DNAH11: variants seen among roughly 807,000 people sequenced by gnomAD.
The protein encoded by DNAH11 is axonemal beta dynein heavy chain 11.
A neutral mutation model predicts 526.0 loss-of-function variants in DNAH11; 442 were observed. That is an observed-to-expected ratio of 0.84 (90% CI 0.78 to 0.91). DNAH11 has a LOEUF of 0.91. DNAH11 is among the 40% of genes least tolerant of loss of function. The pLI is 0.00. For missense variants in DNAH11, 6,989 were observed against 5,448.7 expected, an observed-to-expected ratio of 1.28 and a Z score of -8.90; for synonymous variants, 2,461 against 1,935.9, an observed-to-expected ratio of 1.27 and a Z score of -7.12.
chr7:21,558,976 G>A lies in DNAH11; in HGVS notation c.670G>A (p.Asp224Asn). 1 of 1,583,226 alleles carries A rather than the reference G, an allele frequency of 6.3e-7. No individual in the cohort carries two copies. The highest frequency in any genetic ancestry group is 1.2e-5 in the South Asian group (1 of 86,612). Residue 224 changes from aspartate (D) to asparagine (N), a missense_variant, in exon 3 of 82, where the codon GAT becomes AAT. Coordinates refer to ENST00000409508, the MANE Select transcript of DNAH11 (RefSeq NM_001277115.2). ...IPTVAGKMDL[D>N]QNCSENKPPS... ...CACTGTTGCAGGAAAGATGGATCTGGATCAGAATTGTTCAGAGAACAAGTA... is the reference window on the plus strand; with the variant it reads ...CACTGTTGCAGGAAAGATGGATCTGAATCAGAATTGTTCAGAGAACAAGTA...
intron 21 of DNAH11, among the ~76,000 whole-genome samples, chr7:21,615,580 G>A (rs1394519220): frequency 6.6e-6 from 1 of 151,674 alleles, no homozygotes; most frequent in Non-Finnish European, 1.5e-5. Context: ...TATATTACAT[G>A]TGTAGTCATC....
chr7:21,665,012 C>G (rs1658867766), intron 30 of DNAH11, among the ~76,000 whole-genome samples: 1 of 152,020 alleles, frequency 6.6e-6, no homozygotes, highest in Non-Finnish European at 1.5e-5. Flanking sequence ...GCTTATCGAC[C>G]TCATCATACC....
At chr7:21,860,436 A>C (rs1391389231) in intron 68 of DNAH11, among the ~76,000 whole-genome samples, 1 of 152,216 alleles carries the variant, frequency 6.6e-6, no homozygotes, top group African/African-American at 2.4e-5. Context: ...AAGCAATTCC[A>C]CTTCTAGCTG....
At chr7:21,554,586 C>A (rs1440675132) in intron 2 of DNAH11, among the ~76,000 whole-genome samples, 1 of 152,158 alleles carries the variant, frequency 6.6e-6, no homozygotes, top group East Asian at 1.9e-4. Flanking sequence ...TGGCCCCTCT[C>A]CTAATCATTC....
chr7:21,607,551 T>G (rs888855610), intron 20 of DNAH11, among the ~76,000 whole-genome samples: 9 of 152,186 alleles, frequency 5.9e-5, no homozygotes, highest in African/African-American at 2.2e-4. Flanking sequence ...GTCAAGAATT[T>G]TGTTAAGCAT....
intron 42 of DNAH11, among the ~76,000 whole-genome samples, chr7:21,714,267 T>A (rs1281760136): frequency 2.0e-5 from 3 of 152,206 alleles, no homozygotes; most frequent in Non-Finnish European, 2.9e-5. Flanking sequence ...ATTTTACTTT[T>A]GGGTTTTTTG....
chr7:21,740,639 G>T (rs1339976162), intron 48 of DNAH11, among the ~76,000 whole-genome samples: 1 of 152,150 alleles, frequency 6.6e-6, no homozygotes, highest in Non-Finnish European at 1.5e-5. Context: ...GGACACTTGG[G>T]TTGCTTCCAC....
chr7:21,603,991 G>T (rs190014777), intron 18 of DNAH11, among the ~76,000 whole-genome samples: 1 of 152,164 alleles, frequency 6.6e-6, no homozygotes, highest in Non-Finnish European at 1.5e-5. Flanking sequence ...GACTTGTCAG[G>T]AGGGAAAATA....
intron 20 of DNAH11, among the ~76,000 whole-genome samples, chr7:21,609,919 G>A (rs1220846415): frequency 6.6e-6 from 1 of 152,196 alleles, no homozygotes; most frequent in African/African-American, 2.4e-5. Flanking sequence ...AAGCCGATGA[G>A]ATCACTGTGG....
intron 26 of DNAH11, 137 bp from the exon 27 acceptor site, chr7:21,637,471 TGTG>T: frequency 1.6e-6 from 1 of 641,696 alleles, no homozygotes; most frequent in East Asian, 2.8e-5. Context: ...AGTAAACAGA[TGTG>T]GTGTCAGACA....
At chr7:21,790,169 C>G (rs183080715) in intron 61 of DNAH11, among the ~76,000 whole-genome samples, 3 of 151,960 alleles carry the variant, frequency 2.0e-5, no homozygotes, top group South Asian at 2.1e-4. Context: ...ATTTTCGGCT[C>G]GGCGCAGTGG....
At chr7:21,784,260 A>G (rs767984110) in intron 57 of DNAH11, among the ~76,000 whole-genome samples, 167 bp from the exon 58 acceptor site, 3 of 152,210 alleles carry the variant, frequency 2.0e-5, no homozygotes, top group Non-Finnish European at 4.4e-5. Flanking sequence ...AACTTTGTAT[A>G]TATACTATGT....
chr7:21,818,229 C>A lies in DNAH11; in HGVS notation c.10581C>A (p.Ala3527=). The change falls in exon 65 of 82, where the codon GCC becomes GCA. Residue 3527 remains alanine, a synonymous_variant. Transcript: ENST00000409508. ...THLGQKGFLN[A]IETALAFGDV... ...ACTGAATTTTAAGGTTTTTGAATGC[C>A]ATTGAAACTGCTTTGGCCTTTGGTG... 6.2e-7 allele frequency: 1 copy of A among 1,610,716 alleles called. No individual in the cohort carries two copies. The highest frequency in any genetic ancestry group is 8.5e-7 in the Non-Finnish European group (1 of 1,178,474).
chr7:21,834,746 G>A (rs1049659145), intron 65 of DNAH11, among the ~76,000 whole-genome samples: 11 of 152,114 alleles, frequency 7.2e-5, no homozygotes, highest in Admixed American at 3.3e-4. Context: ...CCTGGAGGCC[G>A]AGGCAGGGGG....
chr7:21,704,689 C>G, intron 38 of DNAH11, 61 bp downstream of exon 38: 1 of 1,532,826 alleles, frequency 6.5e-7, no homozygotes, highest in Non-Finnish European at 8.8e-7. Context: ...ATAATTGTGG[C>G]TAATTGATAC....
chr7:21,757,375 G>A (rs1786684367), intron 54 of DNAH11, among the ~76,000 whole-genome samples: 3 of 151,954 alleles, frequency 2.0e-5, no homozygotes, highest in Non-Finnish European at 4.4e-5. Context: ...ATTTTTTTAG[G>A]AAAAGGTGTT....
chr7:21,543,308 A>G lies in DNAH11; in HGVS notation c.63A>G (p.Leu21=). 6.5e-7 allele frequency: 1 copy of G among 1,549,548 alleles called. No individual in the cohort carries two copies. The highest frequency in any genetic ancestry group is 8.7e-7 in the Non-Finnish European group (1 of 1,146,208). The change falls in exon 1 of 82, where the codon CTA becomes CTG. Residue 21 remains leucine (L), a synonymous_variant. Coordinates refer to ENST00000409508, the MANE Select transcript of DNAH11 (RefSeq NM_001277115.2). ...TCAGAGAAGCCCCGACCCTTCGCCT[A>G]ACCTCGGGGGCCGGCCTGGAGGCAG... ...RDFREAPTLR[L]TSGAGLEAVG...
At chr7:21,683,674 TC>T (rs1783241070) in intron 31 of DNAH11, 109 bp from the exon 32 acceptor site, 1 of 1,232,706 alleles carries the variant, frequency 8.1e-7, no homozygotes, top group Non-Finnish European at 1.1e-6. Flanking sequence ...GCAAGAGATT[TC>T]CTATTTATGA....
chr7:21,779,118 C>CA lies in DNAH11; in HGVS notation c.9483+16dup. ...GAGGAGCGAAAGGTCAGGCTAATTC[C>CA]AACATTTAGAGTGCGGAGCTATATT... On this transcript the variant is annotated intron_variant, in intron 57 of 81. Transcript: ENST00000409508. 1 of 1,608,192 alleles carries CA rather than the reference C, an allele frequency of 6.2e-7. No individual in the cohort carries two copies. The highest frequency in any genetic ancestry group is 8.5e-7 in the Non-Finnish European group (1 of 1,175,618).
Sources: allele counts gnomAD v4.1 joint callset (sites outside exome capture counted in the v4.1 genomes callset), GRCh38; gene constraint gnomAD v4.1.1; transcripts MANE v1.5; gene names NCBI Gene and HGNC (gene_info 2026-07-23, HGNC 2026-07-21).